The following LY75 variants were observed in gnomAD, a reference collection of about 807,000 sequenced individuals.
LY75 encodes the protein lymphocyte antigen 75.
LY75 carries 185 observed loss-of-function variants against 231.7 expected under a neutral mutation model. That is an observed-to-expected ratio of 0.80 (90% confidence interval 0.71 to 0.90). The LOEUF (loss-of-function observed/expected upper bound fraction) is 0.90, where lower values mean the gene tolerates loss of function less well. Among genes scored for constraint, LY75 ranks in the 40% least tolerant of loss-of-function variants. LY75 has a pLI of 0.00. For synonymous variants in LY75, 668 were observed against 689.0 expected, an observed-to-expected ratio of 0.97 and a Z score of 0.48; for missense variants, 1,947 against 2,050.2, an observed-to-expected ratio of 0.95 and a Z score of 0.97.
chr2:159,852,369 G>A (rs772516325), intron 20 of LY75, 29 bp from the exon 21 acceptor site: 6 of 1,589,072 alleles, frequency 3.8e-6, no homozygotes, highest in East Asian at 2.2e-5. Flanking sequence ...GGATTACTAT[G>A]GTGAGAATTT....
intron 29 of LY75, among the ~76,000 whole-genome samples, chr2:159,817,817 G>T (rs1200233547): frequency 6.6e-6 from 1 of 152,078 alleles, no homozygotes; most frequent in Non-Finnish European, 1.5e-5. Flanking sequence ...GGAGGCCAAG[G>T]CGGGGGGATC....
chr2:159,819,832 C>CA lies in LY75; in HGVS notation c.4046dup (p.Leu1349PhefsTer7). ...AGAAGCCGTCAGTACTTAAACCAGC[C>CA]AAAAACTTCTCATTTTTTATAGTTG... is the stretch of plus-strand genomic sequence containing the variant. On this transcript the variant is annotated frameshift_variant, in exon 29 of 35. Coordinates refer to ENST00000263636, the MANE Select transcript of LY75 (RefSeq NM_002349.4). LOFTEE classifies it high-confidence loss of function. 1 of 1,613,996 alleles carries CA rather than the reference C, an allele frequency of 6.2e-7. No individual in the cohort carries two copies. Among genetic ancestry groups the CA allele is most frequent in the South Asian group, 1.1e-5 (1 of 91,070 alleles).
chr2:159,848,044 G>A (rs543174943), intron 23 of LY75, among the ~76,000 whole-genome samples: 9 of 140,094 alleles, frequency 6.4e-5, no homozygotes, highest in African/African-American at 2.5e-4. Flanking sequence ...ATCAGTCAAT[G>A]AATGGATAAA....
At chr2:159,834,349 AC>A in intron 26 of LY75, 138 bp from the exon 27 acceptor site, 1 of 1,123,328 alleles carries the variant, frequency 8.9e-7, no homozygotes, top group Non-Finnish European at 1.2e-6. Flanking sequence ...CTCTGTTTAT[AC>A]TCAGATATAG....
intron 34 of LY75, among the ~76,000 whole-genome samples, chr2:159,805,730 T>C (rs1483332577): frequency 1.3e-5 from 2 of 152,184 alleles, no homozygotes; most frequent in African/African-American, 4.8e-5. Context: ...TTCGCTCTGT[T>C]CCATGACTTT....
chr2:159,893,643 A>G lies in LY75; in HGVS notation c.637+271T>C, dbSNP rs13384568. Among the ~76,000 whole-genome samples, 943 of 152,220 alleles carry G rather than the reference A, an allele frequency of 6.2e-3. 16 individuals carry two copies. The highest frequency in any genetic ancestry group is 0.022 in the African/African-American group (907 of 41,508). The stretch of plus-strand genomic sequence containing the variant: ...GTCAGCAGCAATTTCCTAATTGTGC[A>G]TGCCTTTTCCACACTTCCTCTCCCT... On this transcript the variant is annotated intron_variant, in intron 3 of 34. Coordinates refer to ENST00000263636, the MANE Select transcript of LY75 (RefSeq NM_002349.4).
intron 6 of LY75, among the ~76,000 whole-genome samples, chr2:159,883,220 A>C (rs1473224571): frequency 2.0e-5 from 3 of 151,634 alleles, no homozygotes; most frequent in Non-Finnish European, 4.4e-5. Context: ...AGCATGGCAC[A>C]CGTATACATA....
intron 6 of LY75, 136 bp downstream of exon 6, chr2:159,885,017 A>G: frequency 8.3e-7 from 1 of 1,209,492 alleles, no homozygotes; most frequent in Non-Finnish European, 1.1e-6. Flanking sequence ...AGGGTTAAAA[A>G]TCAAGTACTT....
intron 24 of LY75, 93 bp downstream of exon 24, chr2:159,842,152 C>T: frequency 7.0e-7 from 1 of 1,433,656 alleles, no homozygotes; most frequent in Non-Finnish European, 9.2e-7. Flanking sequence ...ACCTATGTTC[C>T]CCTCCCTCCC....
In LY75 at chr2:159,860,836, G is replaced by C. The variant is rs1684680284; in HGVS notation, c.2253C>G (p.Asp751Glu). ...NEFQQDYDIR[D>E]CAAVKVFHRP... ...TTGTACTGACCTTGACAGCAGCACA[G>C]TCTCTGATGTCATAATCCTGCTGAA... is the stretch of plus-strand genomic sequence containing the variant. Residue 751 changes from aspartate (D) to glutamate (E), a missense_variant, in exon 15 of 35, where the codon GAC becomes GAG. Transcript: ENST00000263636. The C allele has an allele frequency of 1.2e-6, 2 of 1,613,950 alleles. No individual in the cohort carries two copies. Among genetic ancestry groups the C allele is most frequent in the Non-Finnish European group, 1.7e-6 (2 of 1,179,890 alleles).
At chr2:159,851,289 T>C (rs1416493675) in intron 21 of LY75, among the ~76,000 whole-genome samples, 1 of 152,204 alleles carries the variant, frequency 6.6e-6, no homozygotes, top group Non-Finnish European at 1.5e-5. Context: ...TTTTTCACAT[T>C]ATGATCACTT....
chr2:159,860,801 T>C lies in LY75; in HGVS notation c.2268+20A>G. 6.2e-7 allele frequency: 1 copy of C among 1,613,580 alleles called. No homozygotes were observed. The highest frequency in any genetic ancestry group is 8.5e-7 in the Non-Finnish European group (1 of 1,179,670). On this transcript the variant is annotated intron_variant, in intron 15 of 34. Coordinates refer to ENST00000263636, the MANE Select transcript of LY75 (RefSeq NM_002349.4). ...TGGACTTATGTTTTAAATATGCAGA[T>C]TTTCCAGCATTGTACTGACCTTGAC...
intron 8 of LY75, among the ~76,000 whole-genome samples, chr2:159,880,219 G>A (rs150453204): frequency 2.0e-5 from 3 of 152,254 alleles, no homozygotes; most frequent in Admixed American, 6.5e-5. Flanking sequence ...CAAACAAAAC[G>A]TAGAGGTACA....
At position 159,850,509 on chromosome 2, in the gene LY75, A is replaced by G. The variant is rs201923072; in HGVS notation, c.2884-42T>C. The G allele has an allele frequency of 3.1e-6, 5 of 1,610,024 alleles. No homozygotes were observed. In the African/African-American group the frequency reaches 5.3e-5, roughly 17 times the overall value. On this transcript the variant is annotated intron_variant, in intron 21 of 34. Coordinates refer to ENST00000263636, the MANE Select transcript of LY75 (RefSeq NM_002349.4). ...ATGTGAAGCATGAGATTCCAGACAC[A>G]GGAACGCTCACATAGGAAGTAAAAT...
Position 159,831,664 on chromosome 2 carries a change from A to G in LY75, c.3958+6T>C. The stretch of plus-strand genomic sequence containing the variant: ...AATAGAGAAAGTTGGCAGATTTACA[A>G]CTTACTTCTATAAGTTATTCCTAAC... On this transcript the variant is annotated splice_donor_region_variant and intron_variant, in intron 28 of 34. Transcript: ENST00000263636. 1.2e-6 allele frequency: 2 copies of G among 1,606,708 alleles called. No individual in the cohort carries two copies.
Position 159,885,279 on chromosome 2 carries a change from G to C in LY75, c.928C>G (p.Pro310Ala). The C allele has an allele frequency of 6.2e-7, 1 of 1,613,224 alleles. No individual in the cohort carries two copies. Among genetic ancestry groups the C allele is most frequent in the South Asian group, 1.1e-5 (1 of 90,966 alleles). ...LNWDPDRPSA[P>A]TIGGSSCARM... ...GCACAGCTGGAGCCACCTATAGTAGGTGCACTGGGCCTGTCTTAAAAGGGA... is the reference window on the plus strand; with the variant it reads ...GCACAGCTGGAGCCACCTATAGTAGCTGCACTGGGCCTGTCTTAAAAGGGA... The change falls in exon 6 of 35, where the codon CCT becomes GCT. Residue 310 changes from proline (P) to alanine (A), a missense_variant. Pro to Ala is a conservative substitution (Grantham distance 27). Transcript: ENST00000263636.
rs371868980 is a variant in LY75 at position 159,899,053 on chromosome 2, TCATTAG to T, written c.95_100del (p.Ala32_Asn33del). ...ATTTCCATGGACGATGGTGAAGGGG[TCATTAG>T]CTGAGTCAAATGGACAGACAGATTG... On this transcript the variant is annotated inframe_deletion and splice_region_variant, in exon 2 of 35. Coordinates refer to ENST00000263636, the MANE Select transcript of LY75 (RefSeq NM_002349.4). 360 of 1,611,084 alleles carry T rather than the reference TCATTAG, an allele frequency of 2.2e-4. 2 individuals are homozygous for T. The African/African-American group carries it at 3.9e-3, about 17-fold the overall frequency.
chr2:159,879,518 T>TAC, intron 8 of LY75, 149 bp from the exon 9 acceptor site: 1 of 1,164,280 alleles, frequency 8.6e-7, no homozygotes, highest in Non-Finnish European at 1.2e-6. Flanking sequence ...TAGAAAATGC[T>TAC]ACTCAACAGG....
chr2:159,860,954 A>C, intron 14 of LY75, 65 bp from the exon 15 acceptor site: 1 of 1,591,868 alleles, frequency 6.3e-7, no homozygotes, highest in Non-Finnish European at 8.6e-7. Context: ...TTTAGATGTA[A>C]TTTAGGCAGC....
Sources: gnomAD v4.1 joint callset for allele counts (sites outside exome capture counted in the v4.1 genomes callset) on GRCh38, gnomAD v4.1.1 for gene constraint, MANE v1.5 for transcripts, NCBI Gene and HGNC (gene_info 2026-07-23, HGNC 2026-07-21) for gene names.